The following TDRD1 variants were observed in gnomAD, a reference collection of about 807,000 sequenced individuals.
The protein encoded by TDRD1 is tudor domain containing 1, also known as tudor domain-containing protein 1.
A neutral mutation model predicts 140.6 loss-of-function variants in TDRD1; 37 were observed. That is an observed-to-expected ratio of 0.26 (90% CI 0.20 to 0.35). The LOEUF (loss-of-function observed/expected upper bound fraction) is 0.35. Ranked by LOEUF, TDRD1 falls within the 10% of genes least tolerant of loss-of-function variation. TDRD1 has a pLI of 1.00. For synonymous variants in TDRD1, 506 were observed against 475.7 expected (o/e 1.06, Z -0.83); for missense variants, 1,243 against 1,393.0 (o/e 0.89, Z 1.71).
intron 16 of TDRD1, among the ~76,000 whole-genome samples, chr10:114,217,033 G>A (rs141566938): frequency 3.9e-5 from 6 of 152,218 alleles, no homozygotes; most frequent in Admixed American, 6.5e-5. Flanking sequence ...CCCACTTTTG[G>A]TTGCCTAATT....
chr10:114,199,137 C>G (rs753593391), intron 3 of TDRD1, 36 bp from the exon 4 acceptor site: 3 of 1,589,496 alleles, frequency 1.9e-6, no homozygotes, highest in South Asian at 2.3e-5. Context: ...AAAGTTATTG[C>G]CAAATTCTAA....
Position 114,229,450 on chromosome 10 carries a change from C to T in TDRD1, c.3538+1325C>T, listed in dbSNP as rs144967717. Among the ~76,000 whole-genome samples, 3 of 152,142 alleles carry T rather than the reference C, an allele frequency of 2.0e-5. No homozygotes were observed. The East Asian group carries it at 5.8e-4, about 29-fold the overall frequency. ...ATCAACTATCTTGACTCTCATGTTT[C>T]CTTTTACAAATTTTGGGTTATTACA... is the stretch of plus-strand genomic sequence containing the variant. On this transcript the variant is annotated intron_variant, in intron 25 of 25. Coordinates refer to ENST00000251864, the Ensembl canonical transcript of TDRD1.
chr10:114,221,458 C>T lies in TDRD1; in HGVS notation c.2872C>T (p.Leu958=), dbSNP rs1305982865. ...CATAAGCCCAAACTTGTTTTATGCT[C>T]TACCAAAAGGGATGCCAGGTAAGAA... The change falls in exon 20 of 26, where the codon CTA becomes TTA. Residue 958 remains leucine (L), a synonymous_variant. Transcript: ENST00000251864. The T allele has an allele frequency of 5.0e-6, 8 of 1,613,098 alleles. No homozygotes were observed. The South Asian group carries it at 8.8e-5, about 18-fold the overall frequency.
At chr10:114,212,686 G>A (rs149517239) in intron 14 of TDRD1, among the ~76,000 whole-genome samples, 1 of 152,180 alleles carries the variant, frequency 6.6e-6, no homozygotes, top group African/African-American at 2.4e-5. Flanking sequence ...GTGTTGAGTT[G>A]TAAGTGCCAC....
intron 5 of TDRD1, among the ~76,000 whole-genome samples, chr10:114,201,998 C>A (rs1323447070): frequency 6.6e-6 from 1 of 152,176 alleles, no homozygotes; most frequent in African/African-American, 2.4e-5. Flanking sequence ...CTGTCTCCCC[C>A]CAACCCTGTC....
chr10:114,209,723 C>T (rs1363372571), intron 11 of TDRD1, among the ~76,000 whole-genome samples: 1 of 152,142 alleles, frequency 6.6e-6, no homozygotes, highest in Non-Finnish European at 1.5e-5. Flanking sequence ...CCCAGCCTCC[C>T]CTTTGTCTTC....
chr10:114,210,489 A>G (rs1184890687), intron 11 of TDRD1, 92 bp from the exon 12 acceptor site: 3 of 1,279,238 alleles, frequency 2.3e-6, no homozygotes, highest in Non-Finnish European at 3.2e-6. Flanking sequence ...AGTCATAGTC[A>G]TATTCGTTTT....
exon 21 of TDRD1, chr10:114,222,693 C>A (rs1005734964): frequency 1.3e-6 from 2 of 1,588,950 alleles, no homozygotes; most frequent in Non-Finnish European, 1.7e-6. Flanking sequence ...CATGCTGTGC[C>A]AAATACACAA....
chr10:114,203,936 A>G, intron 8 of TDRD1, 137 bp from the exon 9 acceptor site: 1 of 1,025,386 alleles, frequency 9.8e-7, no homozygotes, highest in Non-Finnish European at 1.4e-6. Context: ...TTCTTAAAAA[A>G]TTAAGTTGGC....
At position 114,201,522 on chromosome 10, in the gene TDRD1, A is replaced by G; in HGVS notation, c.635+7A>G. On this transcript the variant is annotated splice_region_variant and intron_variant, in intron 5 of 25. Coordinates refer to ENST00000251864, the Ensembl canonical transcript of TDRD1. ...GCAGGCCTGTTCAGCCAAAGTAAGG[A>G]TTTATGATCTTTTTATTCATTAAGG... 6.2e-7 allele frequency: 1 copy of G among 1,608,518 alleles called. No individual in the cohort carries two copies.
chr10:114,232,546 T>C (rs2133255655), downstream of TDRD1, among the ~76,000 whole-genome samples: 1 of 148,440 alleles, frequency 6.7e-6, no homozygotes, highest in African/African-American at 2.5e-5. Flanking sequence ...ACTGGCAATG[T>C]ACGTTGTCTA....
At chr10:114,215,232 T>G (rs1389821601) in intron 16 of TDRD1, among the ~76,000 whole-genome samples, 1 of 152,228 alleles carries the variant, frequency 6.6e-6, no homozygotes, top group Non-Finnish European at 1.5e-5. Flanking sequence ...TTCCATTGTA[T>G]GTTACATGTA....
intron 4 of TDRD1, 128 bp from the exon 5 acceptor site, chr10:114,201,282 A>T (rs540797826): frequency 1.4e-6 from 1 of 704,842 alleles, no homozygotes; most frequent in South Asian, 1.8e-5. Context: ...TTAAAAGTAT[A>T]ATCTGAACAC....
chr10:114,205,613 G>A (rs2035046202), intron 10 of TDRD1, among the ~76,000 whole-genome samples: 1 of 152,140 alleles, frequency 6.6e-6, no homozygotes, highest in African/African-American at 2.4e-5. Flanking sequence ...GCATATTTGT[G>A]AGGTGGTAAA....
chr10:114,214,963 G>A (rs1424776742), intron 16 of TDRD1, among the ~76,000 whole-genome samples: 2 of 151,984 alleles, frequency 1.3e-5, no homozygotes, highest in African/African-American at 2.4e-5. Flanking sequence ...GGATGGTCTC[G>A]ATCTCCTGAC....
At chr10:114,204,163 C>G in exon 9 of TDRD1, 1 of 1,601,090 alleles carries the variant, frequency 6.2e-7, no homozygotes, top group Non-Finnish European at 8.5e-7. Flanking sequence ...AGAAATAATT[C>G]CATTAAACAG....
chr10:114,210,981 A>G lies in TDRD1; in HGVS notation c.1660+14A>G, dbSNP rs1201043668. The stretch of plus-strand genomic sequence containing the variant: ...CTCAGTTCTCAGGTAAGGACAGAGT[A>G]TTACTGATTTTTAAAATTTATTTTT... On this transcript the variant is annotated intron_variant, in intron 13 of 25. Coordinates refer to ENST00000251864, the Ensembl canonical transcript of TDRD1. 1 of 1,557,790 alleles carries G rather than the reference A, an allele frequency of 6.4e-7. No individual in the cohort carries two copies. Among genetic ancestry groups the G allele is most frequent in the Admixed American group, 1.9e-5 (1 of 52,604 alleles).
At position 114,220,571 on chromosome 10, in the gene TDRD1, T is replaced by C. The variant is rs745979675; in HGVS notation, c.2498T>C (p.Ile833Thr). ...TACTGCTGTCCTTATTTTCTAGATA[T>C]ACAGTCTAGAAACAAACATTGGTCT... The change falls in exon 19 of 26, where the codon ATA becomes ACA. Residue 833 changes from isoleucine (I) to threonine (T), a missense_variant. By Grantham distance (89) the Ile-to-Thr change is moderately conservative. This residue lies in a region of TDRD1 where 601 missense variants were observed against 734.7 expected (regional missense o/e 0.82). Transcript: ENST00000251864. 1.9e-5 allele frequency: 31 copies of C among 1,609,090 alleles called. No homozygotes were observed. The highest frequency in any genetic ancestry group is 6.6e-5 in the South Asian group (6 of 90,848).
rs190259051 is a variant in TDRD1, at chr10:114,215,378, C to A, written c.2212+1264C>A. Among the ~76,000 whole-genome samples, 4 of 152,218 alleles carry A rather than the reference C, an allele frequency of 2.6e-5. No individual in the cohort carries two copies. In the East Asian group the frequency reaches 7.7e-4, roughly 29 times the overall value. On this transcript the variant is annotated intron_variant, in intron 16 of 25. Transcript: ENST00000251864. ...TGAACATTACAGCATATCTGGTGCACATGTGCAGGCATTTTCATGGAGTCC... is the reference window on the plus strand; with the variant it reads ...TGAACATTACAGCATATCTGGTGCAAATGTGCAGGCATTTTCATGGAGTCC...
Sources: gnomAD v4.1 joint callset for allele counts (sites outside exome capture counted in the v4.1 genomes callset) on GRCh38, gnomAD v4.1.1 for gene constraint, gnomAD v4.1.1 regional missense constraint, MANE v1.5 for transcripts, NCBI Gene and HGNC (gene_info 2026-07-23, HGNC 2026-07-21) for gene names.